Variants in SLC35D4 observed in about 807,000 individuals in gnomAD.
The protein encoded by SLC35D4 is solute carrier family 35 member D4.
chr18:23,257,424 T>C, the SLC35D4 span: 1 of 1,511,234 alleles, frequency 6.6e-7, no homozygotes, highest in Non-Finnish European at 8.9e-7. Flanking sequence ...GAGCAGCACT[T>C]ACTTACTACT....
At chr18:23,419,673 G>A in the SLC35D4 span, among the ~76,000 whole-genome samples, 4 of 151,990 alleles carry the variant, frequency 2.6e-5, no homozygotes, top group Admixed American at 6.6e-5. Context: ...ATTGGACCTC[G>A]TACTAGAATT....
chr18:23,289,147 T>C, the SLC35D4 span, among the ~76,000 whole-genome samples: 3 of 152,214 alleles, frequency 2.0e-5, no homozygotes, highest in African/African-American at 7.2e-5. Context: ...CTCATACATG[T>C]CCTGCTCTTG....
the SLC35D4 span, chr18:23,257,354 T>C: frequency 6.2e-7 from 1 of 1,608,828 alleles, no homozygotes; most frequent in Non-Finnish European, 8.5e-7. Context: ...AGACGGCTGG[T>C]CCAGAGTTCC....
the SLC35D4 span, chr18:23,352,298 A>G: frequency 6.6e-5 from 105 of 1,601,126 alleles, no homozygotes; most frequent in Middle Eastern, 2.5e-3. Context: ...CACTGGAAGG[A>G]GAAAAGATTC....
the SLC35D4 span, among the ~76,000 whole-genome samples, chr18:23,393,740 C>T: frequency 6.6e-6 from 1 of 152,180 alleles, no homozygotes. Context: ...GCCTCAGCCT[C>T]CCAAGTAGCT....
the SLC35D4 span, among the ~76,000 whole-genome samples, chr18:23,299,251 T>C: frequency 6.6e-6 from 1 of 152,162 alleles, no homozygotes; most frequent in Non-Finnish European, 1.5e-5. Flanking sequence ...TTAGAAATAA[T>C]ACATCAGCAG....
chr18:23,347,451 G>T, the SLC35D4 span, among the ~76,000 whole-genome samples: 6 of 151,670 alleles, frequency 4.0e-5, no homozygotes, highest in African/African-American at 1.5e-4. Context: ...CTGAGACAGG[G>T]TCTCACTCTG....
chr18:23,395,802 C>T, the SLC35D4 span, among the ~76,000 whole-genome samples: 1 of 152,232 alleles, frequency 6.6e-6, no homozygotes, highest in African/African-American at 2.4e-5. Flanking sequence ...GCCATGATCA[C>T]TGTGACCTTA....
the SLC35D4 span, among the ~76,000 whole-genome samples, chr18:23,405,911 A>G: frequency 6.6e-6 from 1 of 152,214 alleles, no homozygotes; most frequent in Non-Finnish European, 1.5e-5. Flanking sequence ...ATCCATGACA[A>G]CTGAGATTTC....
chr18:23,432,843 T>A, the SLC35D4 span, among the ~76,000 whole-genome samples: 1 of 151,394 alleles, frequency 6.6e-6, no homozygotes, highest in African/African-American at 2.4e-5. Context: ...TAGCCGGACA[T>A]GGTTGTGCAA....
At chr18:23,309,565 TG>T in the SLC35D4 span, 1 of 831,236 alleles carries the variant, frequency 1.2e-6, no homozygotes, top group East Asian at 2.5e-5. Context: ...TGCATTTGGA[TG>T]GAGATACACA....
chr18:23,402,562 T>C, the SLC35D4 span, among the ~76,000 whole-genome samples: 1 of 152,198 alleles, frequency 6.6e-6, no homozygotes, highest in Non-Finnish European at 1.5e-5. Context: ...CCCAGCACTT[T>C]GGGAGGCCAA....
At chr18:23,345,819 TTTTA>T in the SLC35D4 span, among the ~76,000 whole-genome samples, 5 of 152,196 alleles carry the variant, frequency 3.3e-5, no homozygotes, top group Non-Finnish European at 4.4e-5. Flanking sequence ...TTTTTTAAGA[TTTTA>T]TTTAATTCCT....
chr18:23,369,291 A>C, the SLC35D4 span, among the ~76,000 whole-genome samples: 1,147 of 152,324 alleles, frequency 7.5e-3, 9 homozygotes, highest in Non-Finnish European at 0.012. Context: ...TTCTCTCAGG[A>C]GTCATTCCCT....
chr18:23,434,459 T>C, the SLC35D4 span, among the ~76,000 whole-genome samples: 1 of 152,228 alleles, frequency 6.6e-6, no homozygotes, highest in Non-Finnish European at 1.5e-5. Context: ...AATACATAGA[T>C]GCATTATGCA....
chr18:23,382,648 A>C, the SLC35D4 span, among the ~76,000 whole-genome samples: 4 of 152,216 alleles, frequency 2.6e-5, no homozygotes, highest in African/African-American at 9.6e-5. Flanking sequence ...AAAGAAAAGA[A>C]GCACATGTTA....
the SLC35D4 span, among the ~76,000 whole-genome samples, chr18:23,252,412 AT>A: frequency 6.6e-6 from 1 of 152,234 alleles, no homozygotes; most frequent in Non-Finnish European, 1.5e-5. Flanking sequence ...CTAAAAGAAC[AT>A]TAGCTAACAT....
the SLC35D4 span, among the ~76,000 whole-genome samples, chr18:23,415,979 A>G: frequency 6.6e-6 from 1 of 152,304 alleles, no homozygotes; most frequent in East Asian, 1.9e-4. Context: ...AGGCCGAGGC[A>G]GGTGGATCAC....
the SLC35D4 span, among the ~76,000 whole-genome samples, chr18:23,350,158 T>C: frequency 6.6e-6 from 1 of 152,252 alleles, no homozygotes; most frequent in Admixed American, 6.5e-5. Flanking sequence ...TTATTGTTGT[T>C]TTGCTTATTT....
Sources: gnomAD v4.1 joint callset for allele counts (sites outside exome capture counted in the v4.1 genomes callset) on GRCh38, gnomAD v4.1.1 for gene constraint, MANE v1.5 for transcripts, NCBI Gene and HGNC (gene_info 2026-07-23, HGNC 2026-07-21) for gene names.